Variants in WFDC1 observed in about 807,000 individuals in gnomAD.
The protein encoded by WFDC1 is WAP four-disulfide core domain protein 1.
WFDC1 carries 39 observed loss-of-function variants against 32.9 expected under a neutral mutation model. That is an observed-to-expected ratio of 1.19 (90% CI 0.92 to 1.55). The LOEUF is 1.55. Among genes scored for constraint, WFDC1 ranks in the 40% most tolerant of loss-of-function variants. WFDC1 has a pLI of 0.00. For synonymous variants in WFDC1, 184 were observed against 137.4 expected (o/e 1.34, Z -2.37); for missense variants, 386 against 309.5 (o/e 1.25, Z -1.85).
intron 1 of WFDC1, among the ~76,000 whole-genome samples, chr16:84,307,501 A>T (rs1907333380): frequency 6.6e-6 from 1 of 152,092 alleles, no homozygotes; most frequent in Admixed American, 6.5e-5. Flanking sequence ...CTGAGAAATG[A>T]CATTTGAATT....
At chr16:84,310,911 G>T (rs148326256) in intron 1 of WFDC1, among the ~76,000 whole-genome samples, 5 of 152,304 alleles carry the variant, frequency 3.3e-5, no homozygotes, top group Admixed American at 2.6e-4. Flanking sequence ...TTTTGAATAT[G>T]TTGGGGGAGG....
intron 4 of WFDC1, among the ~76,000 whole-genome samples, chr16:84,321,124 C>A (rs1908280469): frequency 3.3e-5 from 5 of 152,220 alleles, no homozygotes; most frequent in Admixed American, 2.6e-4. Flanking sequence ...ATAGCCTGGG[C>A]TGCCACAGCT....
At chr16:84,303,657 G>C (rs244839) in intron 1 of WFDC1, among the ~76,000 whole-genome samples, 3 of 151,984 alleles carry the variant, frequency 2.0e-5, no homozygotes, top group South Asian at 4.1e-4. Flanking sequence ...TACTGATTCA[G>C]ATTTCTTTTA....
At chr16:84,323,519 C>G (rs1223850927) in intron 4 of WFDC1, among the ~76,000 whole-genome samples, 2 of 152,198 alleles carry the variant, frequency 1.3e-5, no homozygotes, top group Admixed American at 1.3e-4. Flanking sequence ...TTTTTACACA[C>G]AAAGATAGAA....
At chr16:84,296,137 T>C (rs1356168888) in intron 1 of WFDC1, among the ~76,000 whole-genome samples, 2 of 152,102 alleles carry the variant, frequency 1.3e-5, no homozygotes, top group African/African-American at 4.8e-5. Context: ...CAGGACGATA[T>C]CAGCACACAG....
chr16:84,301,141 A>G (rs1308967660), intron 1 of WFDC1, among the ~76,000 whole-genome samples: 1 of 152,162 alleles, frequency 6.6e-6, no homozygotes, highest in African/African-American at 2.4e-5. Flanking sequence ...TGGGAGAGAC[A>G]TTGAAAGGTT....
chr16:84,321,019 C>G (rs989893445), intron 4 of WFDC1, among the ~76,000 whole-genome samples: 5 of 152,158 alleles, frequency 3.3e-5, no homozygotes, highest in Non-Finnish European at 7.3e-5. Flanking sequence ...CTACAAAAGG[C>G]TTTGAAACAA....
In WFDC1 at chr16:84,318,555, C is replaced by T. The variant is rs542600932; in HGVS notation, c.421+200C>T. On this transcript the variant is annotated intron_variant, in intron 3 of 6. Transcript: ENST00000219454. ...GCTTGGCCAGAATCAAAGCCCAGTACAGAATAAGGGCTTCGACTCTCCCCA... is the reference window on the plus strand; with the variant it reads ...GCTTGGCCAGAATCAAAGCCCAGTATAGAATAAGGGCTTCGACTCTCCCCA... 2,207 of 572,036 alleles carry T rather than the reference C, an allele frequency of 3.9e-3. 7 individuals are homozygous for T. The highest frequency in any genetic ancestry group is 6.8e-3 in the Middle Eastern group (14 of 2,050). 35.4% of individuals were successfully genotyped at this position (572,036 alleles called of 1,614,324 possible).
At chr16:84,320,806 A>G (rs920731183) in intron 4 of WFDC1, among the ~76,000 whole-genome samples, 12 of 152,176 alleles carry the variant, frequency 7.9e-5, no homozygotes, top group Non-Finnish European at 1.8e-4. Context: ...AAGATTGGTG[A>G]TAATTACAGT....
At chr16:84,301,407 C>T (rs1906925875) in intron 1 of WFDC1, among the ~76,000 whole-genome samples, 1 of 152,176 alleles carries the variant, frequency 6.6e-6, no homozygotes, top group South Asian at 2.1e-4. Flanking sequence ...CTTATCTGTG[C>T]TGTTTTGGCT....
At chr16:84,307,791 G>C (rs565706987) in intron 1 of WFDC1, among the ~76,000 whole-genome samples, 1 of 152,140 alleles carries the variant, frequency 6.6e-6, no homozygotes, top group Non-Finnish European at 1.5e-5. Context: ...TAAAAATTGC[G>C]GACCCCAACA....
chr16:84,306,458 C>G (rs1247324546), intron 1 of WFDC1, among the ~76,000 whole-genome samples: 2 of 152,182 alleles, frequency 1.3e-5, no homozygotes, highest in African/African-American at 4.8e-5. Context: ...GCAGCGAATC[C>G]TCAGAAACTG....
intron 4 of WFDC1, 38 bp from the exon 5 acceptor site, chr16:84,324,381 C>T: frequency 6.2e-7 from 1 of 1,606,442 alleles, no homozygotes; most frequent in Non-Finnish European, 8.5e-7. Flanking sequence ...GCCTTCTAAA[C>T]TCCTAAAAGA....
At chr16:84,300,812 A>T (rs1906889864) in intron 1 of WFDC1, among the ~76,000 whole-genome samples, 1 of 152,148 alleles carries the variant, frequency 6.6e-6, no homozygotes, top group African/African-American at 2.4e-5. Context: ...TCTACTAAAA[A>T]TACAAACATT....
At chr16:84,298,505 G>C (rs1237421676) in intron 1 of WFDC1, among the ~76,000 whole-genome samples, 1 of 152,136 alleles carries the variant, frequency 6.6e-6, no homozygotes, top group Non-Finnish European at 1.5e-5. Context: ...GTATGACCAG[G>C]AGAGAAGCTA....
chr16:84,319,721 G>T, intron 4 of WFDC1, 150 bp downstream of exon 4: 1 of 1,095,790 alleles, frequency 9.1e-7, no homozygotes, highest in Non-Finnish European at 1.3e-6. Context: ...CCCCTGCCCG[G>T]CTCCTTCTTT....
intron 5 of WFDC1, among the ~76,000 whole-genome samples, chr16:84,325,285 C>G (rs1051369860): frequency 2.7e-5 from 4 of 150,788 alleles, no homozygotes; most frequent in African/African-American, 9.8e-5. Flanking sequence ...TCACTGCAAA[C>G]TCTGCCTCCT....
At chr16:84,317,343 GTAAATAAA>G (rs1908021816) in intron 2 of WFDC1, 1 of 124,060 alleles carries the variant, frequency 8.1e-6, no homozygotes, top group South Asian at 2.7e-4. Context: ...TAAATAAGAA[GTAAATAAA>G]TAAATAGAAT....
chr16:84,325,329 A>G (rs755245503), intron 5 of WFDC1, among the ~76,000 whole-genome samples: 1 of 152,078 alleles, frequency 6.6e-6, no homozygotes, highest in East Asian at 1.9e-4. Context: ...CAGCCTCCCA[A>G]ATAGCTGGGA....
Sources: gnomAD v4.1 joint callset for allele counts (sites outside exome capture counted in the v4.1 genomes callset) on GRCh38, gnomAD v4.1.1 for gene constraint, MANE v1.5 for transcripts, NCBI Gene and HGNC (gene_info 2026-07-23, HGNC 2026-07-21) for gene names.